The following RARB variants were observed in gnomAD, a reference collection of about 807,000 sequenced individuals.
The protein encoded by RARB is retinoic acid receptor beta, also known as HBV-activated protein.
RARB carries 17 observed loss-of-function variants against 51.9 expected under a neutral mutation model. The observed-to-expected ratio is 0.33, with a 90% CI of 0.22 to 0.49. RARB has a LOEUF of 0.49. RARB is among the 20% of genes least tolerant of loss of function. The pLI is 0.99. For missense variants in RARB, 369 were observed against 550.8 expected (o/e 0.67, Z 3.30); for synonymous variants, 215 against 195.4 (o/e 1.10, Z -0.84).
At chr3:24,857,879 T>C (rs1398148483) in intron 1 of RARB, among the ~76,000 whole-genome samples, 20 of 152,344 alleles carry the variant, frequency 1.3e-4, no homozygotes, top group Non-Finnish European at 8.8e-5. Flanking sequence ...TGAGCTGTTA[T>C]TATGCCACTG....
intron 1 of RARB, among the ~76,000 whole-genome samples, chr3:25,453,972 C>G (rs1471834090): frequency 6.6e-6 from 1 of 152,160 alleles, no homozygotes; most frequent in African/African-American, 2.4e-5. Context: ...TGGCAATTAC[C>G]TAATTCAGGA....
intron 5 of RARB, among the ~76,000 whole-genome samples, chr3:25,219,504 C>G (rs1260269101): frequency 6.6e-6 from 1 of 152,070 alleles, no homozygotes. Flanking sequence ...TTTATAAAAC[C>G]TAATGCATCT....
At chr3:25,315,142 A>G (rs1284939169) in intron 5 of RARB, among the ~76,000 whole-genome samples, 2 of 152,286 alleles carry the variant, frequency 1.3e-5, no homozygotes, top group East Asian at 1.9e-4. Flanking sequence ...AAAAATTCTT[A>G]AGAGTACGGG....
chr3:24,980,841 G>A (rs1452341479), intron 2 of RARB, among the ~76,000 whole-genome samples: 2 of 152,098 alleles, frequency 1.3e-5, no homozygotes, highest in Non-Finnish European at 2.9e-5. Context: ...GAGGAGAAGA[G>A]GCATTCAGGT....
intron 2 of RARB, among the ~76,000 whole-genome samples, chr3:24,918,640 T>C (rs1695154699): frequency 6.6e-6 from 1 of 152,200 alleles, no homozygotes; most frequent in African/African-American, 2.4e-5. Context: ...CCCAGCACTT[T>C]GGGAGGCCGA....
At chr3:25,527,921 C>G (rs1666657003) in intron 3 of RARB, among the ~76,000 whole-genome samples, 1 of 152,186 alleles carries the variant, frequency 6.6e-6, no homozygotes, top group South Asian at 2.1e-4. Flanking sequence ...GTGTCTCCTA[C>G]TCAAAGCATA....
intron 2 of RARB, among the ~76,000 whole-genome samples, chr3:24,933,237 T>C (rs535618343): frequency 1.3e-5 from 2 of 152,262 alleles, no homozygotes; most frequent in South Asian, 2.1e-4. Flanking sequence ...ATGAGAATCA[T>C]TGGTTTTCGA....
intron 5 of RARB, among the ~76,000 whole-genome samples, chr3:25,380,484 C>T (rs1276679435): frequency 6.6e-6 from 1 of 152,170 alleles, no homozygotes; most frequent in Non-Finnish European, 1.5e-5. Context: ...TTCCCTGACC[C>T]AGCCCTTGTC....
At chr3:25,595,329 ACT>A (rs1701776507) in intron 7 of RARB, among the ~76,000 whole-genome samples, 1 of 152,110 alleles carries the variant, frequency 6.6e-6, no homozygotes, top group Admixed American at 6.5e-5. Flanking sequence ...CAGACTACTT[ACT>A]CTGTCTCTGA....
chr3:25,144,014 C>T (rs970348042), intron 4 of RARB, among the ~76,000 whole-genome samples: 2 of 152,150 alleles, frequency 1.3e-5, no homozygotes, highest in Admixed American at 6.6e-5. Flanking sequence ...TTGCCAGAGT[C>T]AAAGGCCCCA....
At chr3:25,396,782 T>C (rs1707126946) in intron 5 of RARB, among the ~76,000 whole-genome samples, 1 of 152,072 alleles carries the variant, frequency 6.6e-6, no homozygotes. Flanking sequence ...TGGTTGCCTC[T>C]GCTGTGTCAT....
chr3:25,203,976 G>T (rs999547478), intron 5 of RARB, among the ~76,000 whole-genome samples: 1 of 152,134 alleles, frequency 6.6e-6, no homozygotes, highest in African/African-American at 2.4e-5. Context: ...ATGTTGGCCT[G>T]CCTTGCTAGG....
intron 2 of RARB, among the ~76,000 whole-genome samples, chr3:24,912,225 T>G (rs188331338): frequency 1.2e-3 from 185 of 152,312 alleles, no homozygotes; most frequent in Middle Eastern, 3.4e-3. Context: ...GAGCTTTTGT[T>G]GGCATCAGGC....
intron 3 of RARB, among the ~76,000 whole-genome samples, chr3:25,539,532 C>CTT (rs56693487): frequency 0.18 from 18,795 of 101,990 alleles, 2,960 homozygotes; most frequent in African/African-American, 0.44. Flanking sequence ...CTCTCTCTCT[C>CTT]TTTTTTTTTT....
intron 2 of RARB, among the ~76,000 whole-genome samples, chr3:25,030,162 C>T (rs6550935): frequency 0.85 from 129,638 of 152,064 alleles, 55,440 homozygotes; most frequent in East Asian, 0.91. Context: ...ATAATAATTA[C>T]CTTCTGCCTG....
chr3:25,114,674 T>G (rs1312594456), intron 3 of RARB, among the ~76,000 whole-genome samples: 3 of 152,202 alleles, frequency 2.0e-5, no homozygotes, highest in African/African-American at 7.2e-5. Context: ...TTATTTCTAG[T>G]TGTGTGCCTA....
At chr3:25,051,161 T>A (rs986032372) in intron 2 of RARB, among the ~76,000 whole-genome samples, 2 of 152,208 alleles carry the variant, frequency 1.3e-5, no homozygotes, top group African/African-American at 4.8e-5. Context: ...AGTGAAAATG[T>A]CTGATTATCA....
Position 24,990,132 on chromosome 3 carries a change from T to G in RARB, c.-379-69993T>G. ...TAATATAATGGAACTTTTCTTTTTT[T>G]TTTTTGTTATTTCACTATTGTTTAT... is the stretch of plus-strand genomic sequence containing the variant. On this transcript the variant is annotated intron_variant, in intron 2 of 11. Transcript: ENST00000383772. Among the ~76,000 whole-genome samples the G allele has an allele frequency of 3.8e-5, 4 of 106,148 alleles. 2 individuals are homozygous for G. The highest frequency in any genetic ancestry group is 7.6e-5 in the Non-Finnish European group (4 of 52,896). 69.6% of individuals were successfully genotyped at this position (106,148 alleles called of 152,430 possible).
At chr3:25,050,828 A>G (rs532686443) in intron 2 of RARB, among the ~76,000 whole-genome samples, 1 of 152,350 alleles carries the variant, frequency 6.6e-6, no homozygotes, top group East Asian at 1.9e-4. Context: ...CTTACATATG[A>G]AAATGCCATA....
Sources: allele counts gnomAD v4.1 joint callset (sites outside exome capture counted in the v4.1 genomes callset), GRCh38; gene constraint gnomAD v4.1.1; transcripts MANE v1.5; gene names NCBI Gene and HGNC (gene_info 2026-07-23, HGNC 2026-07-21).